Variants in NELL2 observed in about 807,000 individuals in gnomAD.
The protein encoded by NELL2 is protein kinase C-binding protein NELL2.
In NELL2, 41 loss-of-function variants were observed where a neutral mutation model predicts 109.6. The observed-to-expected ratio is 0.37, with a 90% CI of 0.29 to 0.49. The LOEUF (loss-of-function observed/expected upper bound fraction) is 0.49. Among genes scored for constraint, NELL2 ranks in the 20% least tolerant of loss-of-function variants. NELL2 has a pLI of 0.98. For missense variants in NELL2, 900 were observed against 1,008.3 expected (o/e 0.89, Z 1.45); for synonymous variants, 355 against 344.7 (o/e 1.03, Z -0.33).
chr12:44,512,954 GAAGA>G, intron 19 of NELL2, among the ~76,000 whole-genome samples: 1 of 151,926 alleles, frequency 6.6e-6, no homozygotes, highest in East Asian at 1.9e-4. Flanking sequence ...CAGAAATCTA[GAAGA>G]AAGGATTTTG....
At chr12:44,672,933 AT>A (rs1250987669) in intron 12 of NELL2, among the ~76,000 whole-genome samples, 1 of 152,210 alleles carries the variant, frequency 6.6e-6, no homozygotes, top group Non-Finnish European at 1.5e-5. Flanking sequence ...ACGTAGGATC[AT>A]AAAGCAAAAA....
Position 44,828,528 on chromosome 12 carries a change from T to C in NELL2, c.185-12392A>G, listed in dbSNP as rs1241248884. On this transcript the variant is annotated intron_variant, in intron 2 of 19. Coordinates refer to ENST00000429094, the MANE Select transcript of NELL2 (RefSeq NM_001145108.2). ...CAAAATGTGTGTTGGCTTAATGTTG[T>C]GAATATTCAACCACATAAAAGTATA... Among the ~76,000 whole-genome samples, 3 of 152,220 alleles carry C rather than the reference T, an allele frequency of 2.0e-5. 1 individual carries two copies. Among genetic ancestry groups the C allele is most frequent in the Non-Finnish European group, 4.4e-5 (3 of 68,024 alleles).
At chr12:44,749,559 G>C (rs920263872) in intron 9 of NELL2, among the ~76,000 whole-genome samples, 6 of 152,004 alleles carry the variant, frequency 3.9e-5, no homozygotes, top group African/African-American at 1.5e-4. Flanking sequence ...ATCTTTTATA[G>C]AAGAAACTAT....
chr12:44,823,599 T>A (rs7132477), intron 2 of NELL2, among the ~76,000 whole-genome samples: 150,461 of 152,306 alleles, frequency 0.99, 74,359 homozygotes, highest in East Asian at 1. Context: ...ATGATATTCC[T>A]TTGTGTGTAT....
intron 9 of NELL2, among the ~76,000 whole-genome samples, chr12:44,742,637 AGACACTACGT>A (rs1390238982): frequency 5.9e-5 from 9 of 151,938 alleles, no homozygotes; most frequent in Admixed American, 3.9e-4. Context: ...CTGAAAACCA[AGACACTACGT>A]GACAAATGCA....
At chr12:44,917,024 G>C (rs1200835805), upstream of NELL2, among the ~76,000 whole-genome samples, 1 of 152,044 alleles carries the variant, frequency 6.6e-6, no homozygotes, top group African/African-American at 2.4e-5. Context: ...AAGAAAACCT[G>C]AAAACAGCAA....
rs531695743 is a variant in NELL2, at chr12:44,626,483, C to T, written c.1445-15513G>A. Among the ~76,000 whole-genome samples, 10 of 152,280 alleles carry T rather than the reference C, an allele frequency of 6.6e-5. No homozygotes were observed. In the East Asian group the frequency reaches 1.9e-3, roughly 29 times the overall value. On this transcript the variant is annotated intron_variant, in intron 13 of 19. Transcript: ENST00000429094. ...TCACTTCTTTTACCTGGATTTATTT[C>T]TTCACAACACTTGTTCCTCTCTAAC...
chr12:44,639,509 T>G (rs1268861890), intron 13 of NELL2, among the ~76,000 whole-genome samples: 1 of 152,136 alleles, frequency 6.6e-6, no homozygotes. Flanking sequence ...TTACTACTCT[T>G]GCCATTTTAC....
intron 13 of NELL2, among the ~76,000 whole-genome samples, chr12:44,626,445 G>A (rs1221660369): frequency 1.3e-5 from 2 of 152,106 alleles, no homozygotes; most frequent in African/African-American, 2.4e-5. Flanking sequence ...CCTTAGACAC[G>A]CTCTGTCTCA....
At chr12:44,567,834 A>G (rs1943719198) in intron 15 of NELL2, among the ~76,000 whole-genome samples, 1 of 152,146 alleles carries the variant, frequency 6.6e-6, no homozygotes, top group Non-Finnish European at 1.5e-5. Context: ...AATCTTGTAC[A>G]TATTCCTTCC....
At chr12:44,644,218 CA>C (rs1946966888) in intron 13 of NELL2, among the ~76,000 whole-genome samples, 1 of 151,952 alleles carries the variant, frequency 6.6e-6, no homozygotes, top group Non-Finnish European at 1.5e-5. Context: ...AAAATACAGA[CA>C]AAATAGGCTT....
chr12:44,806,772 AACT>A (rs954986129), intron 3 of NELL2, among the ~76,000 whole-genome samples: 75 of 152,008 alleles, frequency 4.9e-4, no homozygotes, highest in African/African-American at 1.6e-3. Context: ...TACATTAAAA[AACT>A]ACAATATGAA....
intron 15 of NELL2, among the ~76,000 whole-genome samples, chr12:44,600,087 G>C (rs1369865526): frequency 6.7e-6 from 1 of 149,418 alleles, no homozygotes; most frequent in Non-Finnish European, 1.5e-5. Context: ...TCAGCCTCCC[G>C]AGTAGCTGGG....
At chr12:44,525,861 A>G (rs1198109242) in intron 16 of NELL2, among the ~76,000 whole-genome samples, 1 of 152,124 alleles carries the variant, frequency 6.6e-6, no homozygotes, top group Non-Finnish European at 1.5e-5. Context: ...TTGTCTATAC[A>G]TTCTCTAGGT....
chr12:44,681,681 T>C (rs966289560), intron 12 of NELL2, among the ~76,000 whole-genome samples: 2 of 152,102 alleles, frequency 1.3e-5, no homozygotes, highest in Non-Finnish European at 2.9e-5. Flanking sequence ...GGTTTTTTGT[T>C]CTTGCGATAG....
intron 19 of NELL2, among the ~76,000 whole-genome samples, chr12:44,519,527 C>T (rs1171149881): frequency 6.6e-6 from 1 of 152,154 alleles, no homozygotes; most frequent in Non-Finnish European, 1.5e-5. Flanking sequence ...ATGTAACTGA[C>T]CACAACAAAC....
chr12:44,535,251 G>A (rs1269683629), intron 15 of NELL2, among the ~76,000 whole-genome samples: 1 of 151,636 alleles, frequency 6.6e-6, no homozygotes, highest in Non-Finnish European at 1.5e-5. Flanking sequence ...CTTTTGATGG[G>A]GTTACCTTCC....
chr12:44,514,278 A>T (rs1040335254), intron 19 of NELL2, among the ~76,000 whole-genome samples: 1 of 151,898 alleles, frequency 6.6e-6, no homozygotes, highest in African/African-American at 2.4e-5. Flanking sequence ...GTGTTATTCA[A>T]GCTGAAGGGA....
At chr12:44,511,601 A>G (rs920844071) in intron 19 of NELL2, among the ~76,000 whole-genome samples, 4 of 152,206 alleles carry the variant, frequency 2.6e-5, no homozygotes, top group Admixed American at 6.5e-5. Flanking sequence ...GAATCAGTAA[A>G]CAAACTCCTT....
Sources: allele counts gnomAD v4.1 joint callset (sites outside exome capture counted in the v4.1 genomes callset), GRCh38; gene constraint gnomAD v4.1.1; transcripts MANE v1.5; gene names NCBI Gene and HGNC (gene_info 2026-07-23, HGNC 2026-07-21).